Variants in BBS4 observed in about 807,000 individuals in gnomAD.
The protein encoded by BBS4 is Bardet-Biedl syndrome 4, also known as BBSome complex member BBS4.
BBS4 carries 58 observed loss-of-function variants against 71.4 expected under a neutral mutation model. The observed-to-expected ratio is 0.81, with a 90% CI of 0.66 to 1.01. BBS4 has a LOEUF of 1.01. Ranked by LOEUF, BBS4 falls within the 50% of genes least tolerant of loss-of-function variation. The pLI is 0.00. For synonymous variants in BBS4, 228 were observed against 216.8 expected, an observed-to-expected ratio of 1.05 and a Z score of -0.46; for missense variants, 660 against 607.9, an observed-to-expected ratio of 1.09 and a Z score of -0.90.
At chr15:72,700,060 C>T (rs183414045) in intron 2 of BBS4, among the ~76,000 whole-genome samples, 8 of 152,270 alleles carry the variant, frequency 5.3e-5, no homozygotes, top group Admixed American at 4.6e-4. Context: ...CAGCTTCAGC[C>T]TCCTGAGTAG....
intron 6 of BBS4, among the ~76,000 whole-genome samples, chr15:72,721,141 A>G (rs1369810726): frequency 6.6e-6 from 1 of 152,172 alleles, no homozygotes; most frequent in Non-Finnish European, 1.5e-5. Context: ...GTTCTATAAT[A>G]TGGACATGAT....
rs550836028 is a variant in BBS4, at chr15:72,712,772, T to C, written c.220+465T>C. Among the ~76,000 whole-genome samples the C allele has an allele frequency of 3.3e-5, 5 of 152,346 alleles. No individual in the cohort carries two copies. The East Asian group carries it at 5.8e-4, about 18-fold the overall frequency. On this transcript the variant is annotated intron_variant, in intron 4 of 15. Transcript: ENST00000268057. Reference sequence around the variant, plus strand: ...GGTCTAGGACATTATTGTATACTAATGTAGACTTTATGTTGTATACTAATG... The same window carrying C: ...GGTCTAGGACATTATTGTATACTAACGTAGACTTTATGTTGTATACTAATG...
In BBS4 at chr15:72,736,889, A is replaced by G. The variant is rs766535822; in HGVS notation, c.1376A>G (p.Gln459Arg). ...TCAACCAGCAAACCTGCCAGTTTCC[A>G]GCAGCCTCTGGGCTCTAATCAAGCT... ...TTSTSKPASF[Q>R]QPLGSNQALG... Residue 459 changes from glutamine (Q) to arginine (R), a missense_variant, in exon 15 of 16, where the codon CAG (glutamine) becomes CGG (arginine). Transcript: ENST00000268057. 11 of 1,614,226 alleles carry G rather than the reference A, an allele frequency of 6.8e-6. No individual in the cohort carries two copies. Among genetic ancestry groups the G allele is most frequent in the Non-Finnish European group, 9.3e-6 (11 of 1,180,042 alleles).
intron 9 of BBS4, 143 bp downstream of exon 9, chr15:72,728,137 T>TC: frequency 1.5e-6 from 1 of 659,944 alleles, no homozygotes; most frequent in Non-Finnish European, 2.7e-6. Flanking sequence ...TATTCGATAC[T>TC]CTTTGCTAAA....
rs371118240 is a variant in BBS4 at position 72,692,440 on chromosome 15, C to G, written c.25-2737C>G. Among the ~76,000 whole-genome samples, 25 of 149,860 alleles carry G rather than the reference C, an allele frequency of 1.7e-4. No homozygotes were observed. In the East Asian group the frequency reaches 4.0e-3, roughly 24 times the overall value. On this transcript the variant is annotated intron_variant, in intron 1 of 15. Transcript: ENST00000268057. ...AAGTGATCCTTCCACCTCAGCCTCCCGAGTAGCTGAGACCACAGGCGCAGG... is the reference window on the plus strand; with the variant it reads ...AAGTGATCCTTCCACCTCAGCCTCCGGAGTAGCTGAGACCACAGGCGCAGG...
rs111933178 is a variant in BBS4 at position 72,718,204 on chromosome 15, C to T, written c.405+1354C>T. On this transcript the variant is annotated intron_variant, in intron 6 of 15. Coordinates refer to ENST00000268057, the MANE Select transcript of BBS4 (RefSeq NM_033028.5). ...ATGTATTCAGTCTTATCTTCCATAT[C>T]ATCATTTTTGTTTTTAGCTATTTGT... Among the ~76,000 whole-genome samples the T allele has an allele frequency of 8.8e-3, 1,333 of 152,266 alleles. 21 individuals are homozygous for T. Among genetic ancestry groups the T allele is most frequent in the African/African-American group, 0.03 (1,254 of 41,572 alleles).
intron 2 of BBS4, chr15:72,704,287 A>G (rs189833991): frequency 1.5e-4 from 62 of 418,212 alleles, no homozygotes; most frequent in African/African-American, 1.3e-3. Flanking sequence ...AGCATTGGAG[A>G]TGATCACTGT....
intron 12 of BBS4, among the ~76,000 whole-genome samples, chr15:72,732,010 TG>T: frequency 6.6e-6 from 1 of 152,334 alleles, no homozygotes; most frequent in Admixed American, 6.5e-5. Flanking sequence ...AATTCATTTA[TG>T]TATATATTGA....
At chr15:72,719,957 G>A (rs1449038711) in intron 6 of BBS4, among the ~76,000 whole-genome samples, 2 of 151,300 alleles carry the variant, frequency 1.3e-5, no homozygotes, top group African/African-American at 2.4e-5. Flanking sequence ...CACCATGTTG[G>A]TCAGGCTGGT....
chr15:72,687,522 T>TA (rs1191132265), intron 1 of BBS4, among the ~76,000 whole-genome samples: 9 of 149,980 alleles, frequency 6.0e-5, no homozygotes, highest in African/African-American at 7.4e-5. Context: ...GAGAATCGCT[T>TA]GAACCCCGGA....
At chr15:72,697,562 G>C (rs914808881) in intron 2 of BBS4, among the ~76,000 whole-genome samples, 1 of 152,198 alleles carries the variant, frequency 6.6e-6, no homozygotes, top group African/African-American at 2.4e-5. Context: ...GGGCAAAATT[G>C]TTCCCACTTG....
chr15:72,719,074 TG>T (rs1298618149), intron 6 of BBS4, among the ~76,000 whole-genome samples: 4 of 151,874 alleles, frequency 2.6e-5, no homozygotes, highest in Non-Finnish European at 2.9e-5. Flanking sequence ...ACTTTTTTTT[TG>T]TCTGTTTGAG....
chr15:72,688,046 C>CAAAAAAAAAAAAAAAAAAAAAAAAA (rs199931617), intron 1 of BBS4, among the ~76,000 whole-genome samples: 1 of 84,890 alleles, frequency 1.2e-5, no homozygotes. Context: ...GACTCCGTCT[C>CAAAAAAAAAAAAAAAAAAAAAAAAA]AAAAAAAAAA....
Position 72,735,919 on chromosome 15 carries a change from A to T in BBS4, c.1201A>T (p.Lys401Ter), listed in dbSNP as rs374169521. 5.0e-6 allele frequency: 8 copies of T among 1,614,018 alleles called. No individual in the cohort carries two copies. The highest frequency in any genetic ancestry group is 6.8e-6 in the Non-Finnish European group (8 of 1,180,014). ...GGCCCAATATCAGGAGATGGAGAAGAAAGTCAGCCTACTCAAGGACAATAG... is the reference window on the plus strand; with the variant it reads ...GGCCCAATATCAGGAGATGGAGAAGTAAGTCAGCCTACTCAAGGACAATAG... The part of the protein sequence containing the change: ...ALAQYQEMEK[K>*]VSLLKDNSSL... The change falls in exon 14 of 16, where the codon AAA becomes TAA. Residue 401 changes from lysine to a stop codon, truncating the protein, a stop_gained. Coordinates refer to ENST00000268057, the MANE Select transcript of BBS4 (RefSeq NM_033028.5). LOFTEE classifies it high-confidence loss of function.
chr15:72,730,292 AT>A (rs1165781539), intron 10 of BBS4, among the ~76,000 whole-genome samples: 70 of 127,314 alleles, frequency 5.5e-4, no homozygotes, highest in African/African-American at 9.4e-4. Flanking sequence ...AAAAAAAAAA[AT>A]AAAAAATAAA....
chr15:72,737,071 C>T (rs887046915), intron 15 of BBS4, 108 bp downstream of exon 15: 96 of 1,339,808 alleles, frequency 7.2e-5, no homozygotes, highest in Non-Finnish European at 7.1e-5. Context: ...ATATGTCCAA[C>T]GTAGTATTGG....
At position 72,729,769 on chromosome 15, in the gene BBS4, T is replaced by C. The variant is rs1410685339; in HGVS notation, c.711+85T>C. The stretch of plus-strand genomic sequence containing the variant: ...GATCTGACCCTGGAAAGCAAAGGAA[T>C]AGCTTCTTAAATTTGGATACCTGAG... On this transcript the variant is annotated intron_variant, in intron 10 of 15. Transcript: ENST00000268057. The C allele has an allele frequency of 5.1e-6, 6 of 1,167,406 alleles. No individual in the cohort carries two copies. The Admixed American group carries it at 1.1e-4, about 21-fold the overall frequency. 72.3% of individuals were successfully genotyped at this position (1,167,406 alleles called of 1,614,324 possible). A position where few individuals can be genotyped will look rare whatever the true frequency, so the allele number is the denominator to read the frequency against.
Position 72,731,327 on chromosome 15 carries a change from T to A in BBS4, c.734T>A (p.Met245Lys), listed in dbSNP as rs373898675. The change falls in exon 11 of 16, where the codon ATG becomes AAG. Residue 245 changes from methionine (M) to lysine (K), a missense_variant. Met to Lys is a moderately conservative substitution (Grantham distance 95). Coordinates refer to ENST00000268057, the MANE Select transcript of BBS4 (RefSeq NM_033028.5). The part of the protein sequence containing the change: ...NYKAILAAGS[M>K]MQTHGDFDVA... ...CAGGCCATCTTGGCAGCAGGCAGCA[T>A]GATGCAGACCCACGGGGACTTTGAT... is the stretch of plus-strand genomic sequence containing the variant. The A allele has an allele frequency of 1.9e-6, 3 of 1,614,000 alleles. No individual in the cohort carries two copies. Among genetic ancestry groups the A allele is most frequent in the Non-Finnish European group, 2.5e-6 (3 of 1,180,016 alleles).
intron 2 of BBS4, among the ~76,000 whole-genome samples, chr15:72,697,770 A>G (rs2065101479): frequency 6.6e-6 from 1 of 152,182 alleles, no homozygotes; most frequent in Non-Finnish European, 1.5e-5. Flanking sequence ...TGAGAGGTCC[A>G]TATTCTCTCA....
Sources: allele counts gnomAD v4.1 joint callset (sites outside exome capture counted in the v4.1 genomes callset), GRCh38; gene constraint gnomAD v4.1.1; transcripts MANE v1.5; gene names NCBI Gene and HGNC (gene_info 2026-07-23, HGNC 2026-07-21).